NR3C2: variants seen among roughly 807,000 people sequenced by gnomAD.
NR3C2 encodes the protein nuclear receptor subfamily 3 group C member 2.
Under a neutral mutation model 86.4 loss-of-function variants are expected in NR3C2, and 15 were observed. The ratio of observed to expected loss-of-function variants is 0.17; its 90% CI spans 0.12 to 0.27. The LOEUF is 0.27. Among genes scored for constraint, NR3C2 ranks in the 10% least tolerant of loss-of-function variants. The probability of loss-of-function intolerance (pLI) is 1.00; values close to 1 mark genes in which losing one functional copy is unlikely to be tolerated. For synonymous variants in NR3C2, 458 were observed against 450.5 expected (o/e 1.02, Z -0.21); for missense variants, 960 against 1,195.6 (o/e 0.80, Z 2.91).
chr4:148,207,959 A>G (rs1367050012), intron 3 of NR3C2: 1 of 152,188 alleles, frequency 6.6e-6, no homozygotes, highest in Non-Finnish European at 1.5e-5. Flanking sequence ...TCTTCTCATA[A>G]TATCTTATTA....
At chr4:148,308,974 C>T (rs952509450) in intron 2 of NR3C2, among the ~76,000 whole-genome samples, 2 of 151,816 alleles carry the variant, frequency 1.3e-5, no homozygotes, top group African/African-American at 4.8e-5. Context: ...CAGAGTGAGA[C>T]TCTGTCTTAA....
chr4:148,277,120 T>C (rs1051643967), intron 2 of NR3C2, among the ~76,000 whole-genome samples: 9 of 152,254 alleles, frequency 5.9e-5, no homozygotes, highest in East Asian at 1.9e-4. Context: ...GAACTGGATA[T>C]ATAGCAGCAA....
chr4:148,225,880 T>C (rs1223481849), intron 3 of NR3C2, among the ~76,000 whole-genome samples: 2 of 152,146 alleles, frequency 1.3e-5, no homozygotes, highest in African/African-American at 2.4e-5. Flanking sequence ...CACTGGGTCA[T>C]TTTTCCTCTT....
At chr4:148,294,250 T>G (rs1228966909) in intron 2 of NR3C2, among the ~76,000 whole-genome samples, 1 of 152,208 alleles carries the variant, frequency 6.6e-6, no homozygotes, top group Non-Finnish European at 1.5e-5. Context: ...ATGGTTGTTT[T>G]GAGGACTAGC....
rs72656837 is a variant in NR3C2, at chr4:148,349,592, CCTT to C, written c.1757+85509_1757+85511del. Among the ~76,000 whole-genome samples the C allele has an allele frequency of 1.6e-3, 243 of 152,052 alleles. 1 individual carries two copies. The highest frequency in any genetic ancestry group is 5.7e-3 in the African/African-American group (237 of 41,430). ...CTTCCTGGACTGACGACTAAGCAAA[CCTT>C]CTTAAATGAGAATTCTCTCCTTTCT... On this transcript the variant is annotated intron_variant, in intron 2 of 8. Transcript: ENST00000358102.
intron 8 of NR3C2, among the ~76,000 whole-genome samples, chr4:148,112,421 G>C (rs1453685425): frequency 6.6e-6 from 1 of 152,160 alleles, no homozygotes; most frequent in African/African-American, 2.4e-5. Context: ...ATTAACAGAC[G>C]AAAGTAAATC....
intron 3 of NR3C2, among the ~76,000 whole-genome samples, chr4:148,203,001 C>G (rs1736806804): frequency 6.6e-6 from 1 of 152,102 alleles, no homozygotes. Context: ...CCTTTAAAAC[C>G]TTATTTTTAT....
chr4:148,361,725 A>G (rs1157559986), intron 2 of NR3C2, among the ~76,000 whole-genome samples: 1 of 152,114 alleles, frequency 6.6e-6, no homozygotes, highest in East Asian at 1.9e-4. Flanking sequence ...TTCTCCTTCC[A>G]TTCTTACAAG....
At chr4:148,392,344 C>T (rs1747629944) in intron 2 of NR3C2, among the ~76,000 whole-genome samples, 1 of 152,158 alleles carries the variant, frequency 6.6e-6, no homozygotes, top group African/African-American at 2.4e-5. Flanking sequence ...TGTGCTTACC[C>T]CCCTTTTAAG....
intron 3 of NR3C2, among the ~76,000 whole-genome samples, chr4:148,224,964 TGCAGCAAG>T (rs1290000512): frequency 6.6e-6 from 1 of 152,212 alleles, no homozygotes. Context: ...CTCTTTCTGC[TGCAGCAAG>T]GCAAAACTGA....
intron 2 of NR3C2, among the ~76,000 whole-genome samples, chr4:148,270,067 T>A (rs1272619612): frequency 1.6e-5 from 2 of 123,480 alleles, no homozygotes. Flanking sequence ...TAGAGGTTAC[T>A]GATTTCAGCA....
At chr4:148,100,890 G>A (rs547591144) in intron 8 of NR3C2, among the ~76,000 whole-genome samples, 2 of 152,206 alleles carry the variant, frequency 1.3e-5, no homozygotes, top group Non-Finnish European at 2.9e-5. Flanking sequence ...CCTTATAAAG[G>A]GAGTAACTCT....
At chr4:148,125,692 T>C (rs896872688) in intron 6 of NR3C2, among the ~76,000 whole-genome samples, 2 of 152,180 alleles carry the variant, frequency 1.3e-5, no homozygotes, top group Admixed American at 6.5e-5. Flanking sequence ...ACAGGATCCA[T>C]GTCTAACTTT....
chr4:148,397,162 A>C (rs1326382409), intron 2 of NR3C2, among the ~76,000 whole-genome samples: 2 of 152,338 alleles, frequency 1.3e-5, no homozygotes, highest in East Asian at 3.9e-4. Flanking sequence ...TGGCCAGCAA[A>C]GACCAGCCCC....
chr4:148,339,860 A>C (rs1744668020), intron 2 of NR3C2, among the ~76,000 whole-genome samples: 1 of 152,204 alleles, frequency 6.6e-6, no homozygotes, highest in South Asian at 2.1e-4. Flanking sequence ...GTTGCAGAAT[A>C]CAAAGTCAAC....
chr4:148,319,180 T>C (rs1457932436), intron 2 of NR3C2, among the ~76,000 whole-genome samples: 1 of 151,866 alleles, frequency 6.6e-6, no homozygotes, highest in Non-Finnish European at 1.5e-5. Context: ...AAAGATCAGA[T>C]AGTTGTAGAT....
upstream of NR3C2, chr4:148,444,668 C>T: frequency 1.0e-6 from 1 of 985,596 alleles, no homozygotes. Context: ...CCGGCAGTGG[C>T]AGTCGCCCTG....
intron 2 of NR3C2, among the ~76,000 whole-genome samples, chr4:148,387,120 C>T (rs1431044851): frequency 2.6e-5 from 4 of 152,270 alleles, no homozygotes; most frequent in African/African-American, 7.2e-5. Context: ...TTGGAGATTC[C>T]AGGAAAGCTC....
chr4:148,308,290 T>C (rs996478535), intron 2 of NR3C2, among the ~76,000 whole-genome samples: 2 of 152,178 alleles, frequency 1.3e-5, no homozygotes, highest in Admixed American at 1.3e-4. Flanking sequence ...TGCCATTACG[T>C]ATTATGGAGG....
Sources: allele counts gnomAD v4.1 joint callset (sites outside exome capture counted in the v4.1 genomes callset), GRCh38; gene constraint gnomAD v4.1.1; transcripts MANE v1.5; gene names NCBI Gene and HGNC (gene_info 2026-07-23, HGNC 2026-07-21).